ARID1A: variants seen among roughly 807,000 people sequenced by gnomAD.
ARID1A encodes AT-rich interaction domain 1A, also known as AT-rich interactive domain-containing protein 1A.
A neutral mutation model predicts 212.6 loss-of-function variants in ARID1A; 20 were observed. The ratio of observed to expected loss-of-function variants is 0.09; its 90% CI spans 0.07 to 0.14. ARID1A has a LOEUF of 0.14. ARID1A is among the 10% of genes least tolerant of loss of function. ARID1A has a pLI of 1.00. For missense variants in ARID1A, 2,587 were observed against 3,059.0 expected (o/e 0.85, Z 3.64); for synonymous variants, 1,376 against 1,222.1 (o/e 1.13, Z -2.63).
chr1:26,697,897 G>C (rs1257814165), intron 1 of ARID1A, among the ~76,000 whole-genome samples: 1 of 152,012 alleles, frequency 6.6e-6, no homozygotes, highest in Non-Finnish European at 1.5e-5. Flanking sequence ...AGTGTAGGCA[G>C]TGGTAGGAGC....
intron 4 of ARID1A, among the ~76,000 whole-genome samples, chr1:26,745,455 A>C (rs2080827323): frequency 6.6e-6 from 1 of 152,254 alleles, no homozygotes; most frequent in Admixed American, 6.5e-5. Flanking sequence ...AATTGTATCC[A>C]AAACCAAGGG....
At chr1:26,712,972 C>T (rs1332754941) in intron 1 of ARID1A, among the ~76,000 whole-genome samples, 2 of 152,248 alleles carry the variant, frequency 1.3e-5, no homozygotes, top group Non-Finnish European at 2.9e-5. Context: ...CCATTAAAAA[C>T]AAGTATTCTG....
chr1:26,696,612 G>A lies in ARID1A; in HGVS notation c.209G>A (p.Gly70Glu). 8.1e-7 allele frequency: 1 copy of A among 1,241,606 alleles called. No homozygotes were observed. The highest frequency in any genetic ancestry group is 1.0e-6 in the Non-Finnish European group (1 of 995,136). The allele number at this position is 1,241,606 out of a possible 1,614,324, so 76.9% of individuals were successfully genotyped here. Residue 70 changes from glycine (G) to glutamate (E), a missense_variant, in exon 1 of 20, where the codon GGA (glycine) becomes GAA (glutamate). Transcript: ENST00000324856. Reference sequence around the variant, plus strand: ...GCCGTGGGGCCGCCGCAGCCGCTGGGAAAGGAGCTGCAGGACGGGGCCGAG... The same window carrying A: ...GCCGTGGGGCCGCCGCAGCCGCTGGAAAAGGAGCTGCAGGACGGGGCCGAG... ...GPAVGPPQPL[G>E]KELQDGAESN... is the part of the protein sequence containing the mutation.
intron 4 of ARID1A, among the ~76,000 whole-genome samples, chr1:26,759,238 C>T (rs1001395584): frequency 2.6e-5 from 4 of 151,970 alleles, no homozygotes; most frequent in Admixed American, 6.6e-5. Flanking sequence ...TGTTTTGCTC[C>T]GTTACCTATG....
chr1:26,704,007 T>G (rs573244232), intron 1 of ARID1A, among the ~76,000 whole-genome samples: 68 of 152,346 alleles, frequency 4.5e-4, no homozygotes, highest in African/African-American at 1.6e-3. Flanking sequence ...AGGCTTTTTT[T>G]GTGAAGCTAA....
chr1:26,757,805 A>C (rs1190247742), intron 4 of ARID1A, among the ~76,000 whole-genome samples: 1 of 151,982 alleles, frequency 6.6e-6, no homozygotes, highest in African/African-American at 2.4e-5. Flanking sequence ...AGTACCTGGG[A>C]TTACAGGTGC....
At chr1:26,759,062 G>T (rs1274738911) in intron 4 of ARID1A, among the ~76,000 whole-genome samples, 1 of 151,824 alleles carries the variant, frequency 6.6e-6, no homozygotes, top group Non-Finnish European at 1.5e-5. Context: ...AGTGTTAACT[G>T]TCAGATCTTA....
chr1:26,770,908 G>A (rs2081077973), intron 11 of ARID1A: 1 of 583,654 alleles, frequency 1.7e-6, no homozygotes, highest in Non-Finnish European at 3.0e-6. Flanking sequence ...CAGTCTGATA[G>A]TTGCAGTGGA....
At position 26,773,835 on chromosome 1, in the gene ARID1A, A is replaced by G. The variant is rs1238283387; in HGVS notation, c.4038A>G (p.Gln1346=). The G allele has an allele frequency of 6.2e-6, 10 of 1,614,042 alleles. No homozygotes were observed. Among genetic ancestry groups the G allele is most frequent in the Non-Finnish European group, 8.5e-6 (10 of 1,180,014 alleles). ...HDSYGNQFST[Q]GTPSGSPFPS... is the part of the protein sequence containing the mutation. Reference sequence around the variant, plus strand: ...CCTATGGCAATCAGTTCTCCACCCAAGGCACCCCTTCTGGCAGCCCCTTCC... The same window carrying G: ...CCTATGGCAATCAGTTCTCCACCCAGGGCACCCCTTCTGGCAGCCCCTTCC... Residue 1346 remains glutamine, a synonymous_variant, in exon 17 of 20, where the codon CAA becomes CAG. Transcript: ENST00000324856.
intron 1 of ARID1A, among the ~76,000 whole-genome samples, chr1:26,716,785 C>G (rs2080507279): frequency 1.3e-5 from 2 of 152,068 alleles, no homozygotes; most frequent in African/African-American, 2.4e-5. Flanking sequence ...ACCACCACAC[C>G]CAACTAATTT....
chr1:26,733,640 C>T (rs1367748522), intron 4 of ARID1A, among the ~76,000 whole-genome samples: 2 of 152,186 alleles, frequency 1.3e-5, no homozygotes, highest in African/African-American at 2.4e-5. Flanking sequence ...GCAAGTTACT[C>T]AGCCTCTGAA....
chr1:26,779,544 G>A lies in ARID1A; in HGVS notation c.5646G>A (p.Val1882=), dbSNP rs1299986522. The stretch of plus-strand genomic sequence containing the variant: ...GCCCACCAGCCCCTCGGAAGCATGT[G>A]ACAACAGCAGAGGGTACACCAGGGA... ...APCPPAPRKH[V]TTAEGTPGTT... Residue 1882 remains valine (V), a synonymous_variant, in exon 20 of 20, where the codon GTG becomes GTA. Coordinates refer to ENST00000324856, the MANE Select transcript of ARID1A (RefSeq NM_006015.6). 1.2e-6 allele frequency: 2 copies of A among 1,613,972 alleles called. No homozygotes were observed. Among genetic ancestry groups the A allele is most frequent in the Non-Finnish European group, 1.7e-6 (2 of 1,180,034 alleles).
Position 26,700,706 on chromosome 1 carries a change from C to T in ARID1A, c.1137+3166C>T, listed in dbSNP as rs570028863. Among the ~76,000 whole-genome samples the T allele has an allele frequency of 2.6e-5, 4 of 152,328 alleles. No individual in the cohort carries two copies. In the South Asian group the frequency reaches 8.3e-4, roughly 32 times the overall value. On this transcript the variant is annotated intron_variant, in intron 1 of 19. Coordinates refer to ENST00000324856, the MANE Select transcript of ARID1A (RefSeq NM_006015.6). ...ACTACGGAAACATCAAATGATATTT[C>T]TGACTCCTGGGAAACAGATACAGGA...
At chr1:26,713,136 T>C (rs758237718) in intron 1 of ARID1A, among the ~76,000 whole-genome samples, 5 of 152,228 alleles carry the variant, frequency 3.3e-5, no homozygotes, top group Non-Finnish European at 5.9e-5. Context: ...AGGAATCTTA[T>C]GTTTGTGTGT....
At chr1:26,770,732 T>C (rs1374711733) in intron 11 of ARID1A, 9 of 206,752 alleles carry the variant, frequency 4.4e-5, no homozygotes, top group Non-Finnish European at 2.0e-5. Flanking sequence ...CACTCCAGCC[T>C]AGGCGACAGA....
At chr1:26,738,534 C>T (rs910690604) in intron 4 of ARID1A, among the ~76,000 whole-genome samples, 1 of 152,136 alleles carries the variant, frequency 6.6e-6, no homozygotes, top group African/African-American at 2.4e-5. Flanking sequence ...CATTATAGTG[C>T]TCATTCAGGA....
Position 26,771,379 on chromosome 1 carries a change from C to CCT in ARID1A, c.3406+56_3406+57dup. 6.4e-7 allele frequency: 1 copy of CCT among 1,557,356 alleles called. No homozygotes were observed. The highest frequency in any genetic ancestry group is 2.2e-5 in the East Asian group (1 of 44,456). On this transcript the variant is annotated intron_variant, in intron 12 of 19. Transcript: ENST00000324856. The surrounding 1 kb of genome is among the most constrained non-coding windows in gnomAD (Gnocchi z 5.4). ...AGGCTGAGAGGGCCTGTTGCCCTGGCCTCTTATTCAGGATATGAATAAGAG... is the reference window on the plus strand; with the variant it reads ...AGGCTGAGAGGGCCTGTTGCCCTGGCCTCTCTTATTCAGGATATGAATAAGAG...
intron 11 of ARID1A, chr1:26,770,373 C>A (rs1205326071): frequency 1.3e-5 from 2 of 152,200 alleles, no homozygotes; most frequent in Middle Eastern, 3.4e-3. Context: ...GAGTAAATCC[C>A]AAGTTTGACA....
At position 26,731,568 on chromosome 1, in the gene ARID1A, A is replaced by G. The variant is rs775218476; in HGVS notation, c.1767A>G (p.Gln589=). The stretch of plus-strand genomic sequence containing the variant: ...AGCCCCAGTCTCAGCAGTCCCAGCA[A>G]ACTGCCTATTCCCAGCAGCGCTTCC... ...YPQPQSQQSQ[Q]TAYSQQRFPP... is the part of the protein sequence containing the mutation. Residue 589 remains glutamine (Q), a synonymous_variant, in exon 3 of 20, where the codon CAA becomes CAG. Transcript: ENST00000324856. The G allele has an allele frequency of 1.9e-6, 3 of 1,614,090 alleles. No individual in the cohort carries two copies. Among genetic ancestry groups the G allele is most frequent in the Non-Finnish European group, 2.5e-6 (3 of 1,179,996 alleles).
Sources: allele counts gnomAD v4.1 joint callset (sites outside exome capture counted in the v4.1 genomes callset), GRCh38; gene constraint gnomAD v4.1.1; non-coding constraint Gnocchi (gnomAD v3.1); transcripts MANE v1.5; gene names NCBI Gene and HGNC (gene_info 2026-07-23, HGNC 2026-07-21).